Variants in FHIT observed in about 807,000 individuals in gnomAD.
FHIT encodes the protein bis(5'-adenosyl)-triphosphatase.
A neutral mutation model predicts 17.9 loss-of-function variants in FHIT; 19 were observed. That is an observed-to-expected ratio of 1.06 (90% CI 0.74 to 1.56). The LOEUF is 1.56. Among genes scored for constraint, FHIT ranks in the 40% most tolerant of loss-of-function variants. FHIT has a pLI of 0.00. For missense variants in FHIT, 248 were observed against 189.2 expected (o/e 1.31, Z -1.82); for synonymous variants, 81 against 69.7 (o/e 1.16, Z -0.81).
chr3:60,324,292 T>C (rs1709574365), intron 5 of FHIT, among the ~76,000 whole-genome samples: 2 of 151,496 alleles, frequency 1.3e-5, no homozygotes, highest in Non-Finnish European at 2.9e-5. Context: ...CCCTCAAGAT[T>C]CCAGTTACTA....
intron 5 of FHIT, among the ~76,000 whole-genome samples, chr3:60,112,148 A>C (rs567408636): frequency 7.9e-5 from 12 of 152,314 alleles, no homozygotes; most frequent in Non-Finnish European, 1.6e-4. Context: ...CCCATTCTAG[A>C]TATTTTAAGC....
intron 4 of FHIT, among the ~76,000 whole-genome samples, chr3:60,771,749 T>C (rs908074766): frequency 2.0e-5 from 3 of 152,212 alleles, no homozygotes; most frequent in Non-Finnish European, 2.9e-5. Flanking sequence ...AGCCCCCTTA[T>C]CTATGTCAAA....
chr3:59,995,685 T>G (rs1262330823), intron 7 of FHIT, among the ~76,000 whole-genome samples: 1 of 152,090 alleles, frequency 6.6e-6, no homozygotes, highest in Non-Finnish European at 1.5e-5. Context: ...AAACTGTGGA[T>G]CTGGAGGGAA....
chr3:60,645,329 G>A (rs1559609844), intron 4 of FHIT, among the ~76,000 whole-genome samples: 1 of 152,082 alleles, frequency 6.6e-6, no homozygotes, highest in African/African-American at 2.4e-5. Flanking sequence ...CTCTTCTCCT[G>A]GCCTTCCAGA....
At chr3:60,024,544 G>T (rs1700666342) in intron 5 of FHIT, among the ~76,000 whole-genome samples, 1 of 152,206 alleles carries the variant, frequency 6.6e-6, no homozygotes, top group Non-Finnish European at 1.5e-5. Context: ...TACCTGGCAA[G>T]TACTATATAA....
At chr3:61,209,054 T>G in intron 1 of FHIT, among the ~76,000 whole-genome samples, 1 of 152,026 alleles carries the variant, frequency 6.6e-6, no homozygotes, top group East Asian at 1.9e-4. Flanking sequence ...TGTAAAGGAT[T>G]TTATTTCTCC....
At chr3:60,951,512 C>T (rs1248192195) in intron 3 of FHIT, among the ~76,000 whole-genome samples, 1 of 152,152 alleles carries the variant, frequency 6.6e-6, no homozygotes, top group Non-Finnish European at 1.5e-5. Context: ...CAGGGTAAAA[C>T]ACACTGCCTA....
Position 60,144,306 on chromosome 3 carries a change from G to C in FHIT, c.104-130154C>G, listed in dbSNP as rs550676326. On this transcript the variant is annotated intron_variant, in intron 5 of 9. Coordinates refer to ENST00000492590, the MANE Select transcript of FHIT (RefSeq NM_002012.4). ...AATCCCATTGATATGGATGGTGCTA[G>C]TCACTGTGTTAAGCACTAAGCATCA... Among the ~76,000 whole-genome samples, 20 of 152,320 alleles carry C rather than the reference G, an allele frequency of 1.3e-4. No individual in the cohort carries two copies. The East Asian group carries it at 3.3e-3, about 25-fold the overall frequency.
rs1056791385 is a variant in FHIT at position 60,533,665 on chromosome 3, G to A, written c.103+3195C>T. ...GCACTTCAGATGAAATGAAAAGCAT[G>A]GGGAGGAATCTCCAGTTGAGGTGAG... On this transcript the variant is annotated intron_variant, in intron 5 of 9. Coordinates refer to ENST00000492590, the MANE Select transcript of FHIT (RefSeq NM_002012.4). 3.6e-4 allele frequency among the ~76,000 whole-genome samples: 55 copies of A among 152,082 alleles called. 1 individual carries two copies. Among genetic ancestry groups the A allele is most frequent in the African/African-American group, 1.3e-3 (53 of 41,394 alleles).
intron 4 of FHIT, among the ~76,000 whole-genome samples, chr3:60,564,789 G>C (rs1262755594): frequency 6.6e-6 from 1 of 152,188 alleles, no homozygotes; most frequent in South Asian, 2.1e-4. Context: ...TCAACTCCTA[G>C]TGAAGATGAT....
chr3:60,675,399 T>G (rs2040600646), intron 4 of FHIT, among the ~76,000 whole-genome samples: 1 of 152,222 alleles, frequency 6.6e-6, no homozygotes, highest in African/African-American at 2.4e-5. Context: ...CTCAGATATC[T>G]GACTGCTAGC....
chr3:60,941,550 T>C (rs1280428043), intron 3 of FHIT, among the ~76,000 whole-genome samples: 1 of 152,230 alleles, frequency 6.6e-6, no homozygotes, highest in South Asian at 2.1e-4. Flanking sequence ...CTGAATGATA[T>C]TGGTTTCTTT....
At chr3:59,995,781 G>A (rs766197566) in intron 7 of FHIT, among the ~76,000 whole-genome samples, 3 of 151,914 alleles carry the variant, frequency 2.0e-5, no homozygotes, top group East Asian at 3.9e-4. Flanking sequence ...GAACCAACTC[G>A]GCACGTTCCA....
chr3:60,962,570 C>CATAG (rs1197197725), intron 3 of FHIT, among the ~76,000 whole-genome samples: 1 of 152,144 alleles, frequency 6.6e-6, no homozygotes, highest in East Asian at 1.9e-4. Flanking sequence ...GTGGGTTTGT[C>CATAG]ATAGATAGCT....
intron 8 of FHIT, among the ~76,000 whole-genome samples, chr3:59,872,331 C>T (rs888288384): frequency 6.6e-6 from 1 of 152,158 alleles, no homozygotes; most frequent in Non-Finnish European, 1.5e-5. Context: ...TCACAACATA[C>T]TGAGTTCATG....
intron 5 of FHIT, among the ~76,000 whole-genome samples, chr3:60,321,041 A>G (rs994296159): frequency 2.0e-5 from 3 of 152,222 alleles, no homozygotes. Context: ...TGAACCTGTT[A>G]TCCATGTGAT....
chr3:59,829,505 G>A (rs1701090759), intron 8 of FHIT, among the ~76,000 whole-genome samples: 1 of 152,140 alleles, frequency 6.6e-6, no homozygotes, highest in Non-Finnish European at 1.5e-5. Flanking sequence ...CTCCCATGCT[G>A]CCTTACTCAT....
intron 7 of FHIT, among the ~76,000 whole-genome samples, chr3:59,924,719 G>A (rs1335256557): frequency 6.6e-6 from 1 of 152,234 alleles, no homozygotes; most frequent in East Asian, 1.9e-4. Context: ...CTCCTTGAAT[G>A]AGGGCATTGT....
rs183814743 is a variant in FHIT at position 60,174,428 on chromosome 3, T to C, written c.104-160276A>G. On this transcript the variant is annotated intron_variant, in intron 5 of 9. Coordinates refer to ENST00000492590, the MANE Select transcript of FHIT (RefSeq NM_002012.4). Reference sequence around the variant, plus strand: ...ACTGTAAGATTTTGATTGTTTTGTTTTATATTTTGTTTATGTTTATATGCA... The same window carrying C: ...ACTGTAAGATTTTGATTGTTTTGTTCTATATTTTGTTTATGTTTATATGCA... Among the ~76,000 whole-genome samples, 10 of 152,306 alleles carry C rather than the reference T, an allele frequency of 6.6e-5. No individual in the cohort carries two copies. In the East Asian group the frequency reaches 1.4e-3, roughly 21 times the overall value.
Sources: allele counts gnomAD v4.1 joint callset (sites outside exome capture counted in the v4.1 genomes callset), GRCh38; gene constraint gnomAD v4.1.1; transcripts MANE v1.5; gene names NCBI Gene and HGNC (gene_info 2026-07-23, HGNC 2026-07-21).